GLB1L2: variants seen among roughly 807,000 people sequenced by gnomAD.
GLB1L2 encodes the protein beta-galactosidase-1-like protein 2.
In GLB1L2, 68 loss-of-function variants were observed where a neutral mutation model predicts 84.1. That is an observed-to-expected ratio of 0.81 (90% CI 0.67 to 0.99). The LOEUF (loss-of-function observed/expected upper bound fraction) is 0.99, where lower values mean the gene tolerates loss of function less well. Ranked by LOEUF, GLB1L2 falls within the 50% of genes least tolerant of loss-of-function variation. GLB1L2 has a pLI of 0.00. For missense variants in GLB1L2, 762 were observed against 805.6 expected, an observed-to-expected ratio of 0.95 and a Z score of 0.66; for synonymous variants, 290 against 318.0, an observed-to-expected ratio of 0.91 and a Z score of 0.94.
At position 134,373,814 on chromosome 11, in the gene GLB1L2, T is replaced by C; in HGVS notation, c.1595+6T>C. On this transcript the variant is annotated splice_donor_region_variant and intron_variant, in intron 16 of 18. Transcript: ENST00000535456. ...AAGAAGAGCTTCTTTCAGAGGTGGG[T>C]CCCTGCCCAGCACCAGCCCTTGCAC... is the stretch of plus-strand genomic sequence containing the variant. The C allele has an allele frequency of 6.3e-7, 1 of 1,590,392 alleles. No individual in the cohort carries two copies. The highest frequency in any genetic ancestry group is 8.6e-7 in the Non-Finnish European group (1 of 1,159,018).
chr11:134,364,277 C>A (rs1195583591), intron 7 of GLB1L2, 51 bp from the exon 8 acceptor site: 2 of 1,488,214 alleles, frequency 1.3e-6, no homozygotes, highest in Non-Finnish European at 1.9e-6. Context: ...CTAGAAGGTC[C>A]CTGGCTTTGA....
intron 13 of GLB1L2, 31 bp downstream of exon 13, chr11:134,371,179 C>T (rs1488782567): frequency 6.2e-7 from 1 of 1,612,972 alleles, no homozygotes; most frequent in Admixed American, 1.7e-5. Flanking sequence ...TTCCTGTGAC[C>T]TTCTGGTGAG....
chr11:134,359,004 C>A, intron 6 of GLB1L2, 56 bp from the exon 7 acceptor site: 1 of 1,295,288 alleles, frequency 7.7e-7, no homozygotes, highest in South Asian at 1.4e-5. Flanking sequence ...CTGTGTGTCA[C>A]TGCAGAAGCT....
In GLB1L2 at chr11:134,375,512, G is replaced by A. The variant is rs1236510191; in HGVS notation, c.*454G>A. 6.3e-6 allele frequency: 1 copy of A among 158,430 alleles called. No individual in the cohort carries two copies. Among genetic ancestry groups the A allele is most frequent in the Non-Finnish European group, 1.4e-5 (1 of 72,412 alleles). 9.8% of individuals were successfully genotyped at this position (158,430 alleles called of 1,614,324 possible). On this transcript the variant is annotated 3_prime_UTR_variant, in exon 19 of 19. Coordinates refer to ENST00000535456, the MANE Select transcript of GLB1L2 (RefSeq NM_001370461.1). ...CCGAAATCCTGGGTGTGTCACCAGT[G>A]TAGAGGGTGGGGAAGGGGTGTCTCA...
At chr11:134,360,701 G>A (rs577663890) in intron 7 of GLB1L2, 4 of 151,362 alleles carry the variant, frequency 2.6e-5, no homozygotes, top group African/African-American at 7.3e-5. Context: ...TGGTCTAAAA[G>A]TGAAATAATC....
chr11:134,362,788 A>G (rs1416401781), intron 7 of GLB1L2, among the ~76,000 whole-genome samples: 1 of 152,142 alleles, frequency 6.6e-6, no homozygotes, highest in East Asian at 1.9e-4. Context: ...GGTGGGAATG[A>G]GGATGAAGGC....
At chr11:134,345,169 A>G (rs776634729) in intron 4 of GLB1L2, 40 bp downstream of exon 4, 1 of 1,546,476 alleles carries the variant, frequency 6.5e-7, no homozygotes, top group Non-Finnish European at 8.8e-7. Context: ...CTGTGGCAAA[A>G]AGCTCACAGA....
In GLB1L2 at chr11:134,375,349, C is replaced by G. The variant is rs1944011946; in HGVS notation, c.*291C>G. 2.7e-6 allele frequency: 1 copy of G among 365,842 alleles called. No homozygotes were observed. The highest frequency in any genetic ancestry group is 4.9e-6 in the Non-Finnish European group (1 of 204,014). The allele number at this position is 365,842 out of a possible 1,614,324, so 22.7% of individuals were successfully genotyped here. ...GGGAGCAGCTAATCAGATCGCCCAG[C>G]CTTTGGCCCTCAGAAAAAGTGCTGA... On this transcript the variant is annotated 3_prime_UTR_variant, in exon 19 of 19. Coordinates refer to ENST00000535456, the MANE Select transcript of GLB1L2 (RefSeq NM_001370461.1).
intron 9 of GLB1L2, among the ~76,000 whole-genome samples, chr11:134,368,000 T>C (rs960747343): frequency 6.6e-6 from 1 of 152,174 alleles, no homozygotes; most frequent in African/African-American, 2.4e-5. Flanking sequence ...CGGCACCGTG[T>C]AGATGTGCAT....
chr11:134,336,870 T>C (rs1943395339), intron 1 of GLB1L2, among the ~76,000 whole-genome samples: 2 of 152,350 alleles, frequency 1.3e-5, no homozygotes, highest in South Asian at 4.1e-4. Flanking sequence ...CCTTGTGTTA[T>C]CTAACAGAGC....
At chr11:134,364,226 T>TC in intron 7 of GLB1L2, 102 bp from the exon 8 acceptor site, 2 of 875,106 alleles carry the variant, frequency 2.3e-6, no homozygotes, top group Non-Finnish European at 3.6e-6. Flanking sequence ...CAGGGCCGCT[T>TC]ACTTTATTGT....
At chr11:134,355,936 C>A in intron 5 of GLB1L2, 1 of 456,378 alleles carries the variant, frequency 2.2e-6, no homozygotes. Flanking sequence ...GGAGTTGGGA[C>A]GCATCCTCCT....
At position 134,359,134 on chromosome 11, in the gene GLB1L2, C is replaced by T; in HGVS notation, c.726C>T (p.Val242=). The T allele has an allele frequency of 6.2e-7, 1 of 1,600,256 alleles. No homozygotes were observed. Among genetic ancestry groups the T allele is most frequent in the Non-Finnish European group, 8.5e-7 (1 of 1,173,118 alleles). ...AGGATGGGCTGAGCAAGGGGATTGT[C>T]CAGGGAGGTAACTGCACTTGTGTTG... ...DNKDGLSKGI[V]QGVLATINLQ... Residue 242 remains valine, a synonymous_variant, in exon 7 of 19, where the codon GTC becomes GTT. Coordinates refer to ENST00000535456, the MANE Select transcript of GLB1L2 (RefSeq NM_001370461.1).
At position 134,371,756 on chromosome 11, in the gene GLB1L2, A is replaced by T; in HGVS notation, c.1433A>T (p.Tyr478Phe). 6.2e-7 allele frequency: 1 copy of T among 1,613,978 alleles called. No homozygotes were observed. Among genetic ancestry groups the T allele is most frequent in the Non-Finnish European group, 8.5e-7 (1 of 1,179,958 alleles). ...TKIAVPLIQG[Y>F]TVLRILVENR... is the part of the protein sequence containing the mutation. ...TTAGCCCCGTGTTCCCGGCAGGGTT[A>T]CACCGTGCTGAGGATCTTGGTGGAG... Residue 478 changes from tyrosine to phenylalanine, a missense_variant, in exon 15 of 19, where the codon TAC becomes TTC. By Grantham distance (22) the Tyr-to-Phe change is conservative. Coordinates refer to ENST00000535456, the MANE Select transcript of GLB1L2 (RefSeq NM_001370461.1).
At chr11:134,363,920 C>T (rs1048820176) in intron 7 of GLB1L2, among the ~76,000 whole-genome samples, 1 of 152,182 alleles carries the variant, frequency 6.6e-6, no homozygotes, top group Non-Finnish European at 1.5e-5. Flanking sequence ...CTCTGTCACC[C>T]AGGCTAGGGT....
chr11:134,359,477 A>G (rs949386117), intron 7 of GLB1L2: 1 of 204,220 alleles, frequency 4.9e-6, no homozygotes, highest in Admixed American at 6.0e-5. Flanking sequence ...CGAACCTGGT[A>G]GTGACTGTGA....
chr11:134,369,743 T>A (rs1943920504), intron 10 of GLB1L2, 62 bp from the exon 11 acceptor site: 1 of 1,455,806 alleles, frequency 6.9e-7, no homozygotes, highest in East Asian at 2.3e-5. Context: ...CTCCCTGTTC[T>A]TCGTGCTACA....
chr11:134,371,549 G>A, intron 14 of GLB1L2, 57 bp downstream of exon 14: 2 of 1,149,950 alleles, frequency 1.7e-6, no homozygotes, highest in African/African-American at 1.5e-5. Flanking sequence ...GAGGAAGTCT[G>A]GGGGCAGTCA....
At chr11:134,368,861 G>C in intron 10 of GLB1L2, 80 bp downstream of exon 10, 1 of 1,490,718 alleles carries the variant, frequency 6.7e-7, no homozygotes, top group South Asian at 1.2e-5. Context: ...GGCCCTCAGG[G>C]TCAACTTCTG....
Sources: gnomAD v4.1 joint callset for allele counts (sites outside exome capture counted in the v4.1 genomes callset) on GRCh38, gnomAD v4.1.1 for gene constraint, MANE v1.5 for transcripts, NCBI Gene and HGNC (gene_info 2026-07-23, HGNC 2026-07-21) for gene names.